The following TUSC3 variants were observed in gnomAD, a reference collection of about 807,000 sequenced individuals.
The protein encoded by TUSC3 is tumor suppressor candidate 3, also known as dolichyl-diphosphooligosaccharide--protein glycosyltransferase subunit TUSC3.
In TUSC3, 45 loss-of-function variants were observed where a neutral mutation model predicts 44.8. The ratio of observed to expected loss-of-function variants is 1.00; its 90% confidence interval spans 0.79 to 1.29. The LOEUF (loss-of-function observed/expected upper bound fraction) is 1.29, where lower values mean the gene tolerates loss of function less well. Ranked by LOEUF, TUSC3 falls within the 50% of genes most tolerant of loss-of-function variation. The pLI, the probability that TUSC3 is intolerant of heterozygous loss-of-function variation, is 0.00. For synonymous variants in TUSC3, 212 were observed against 152.9 expected, an observed-to-expected ratio of 1.39 and a Z score of -2.85; for missense variants, 519 against 437.9, an observed-to-expected ratio of 1.19 and a Z score of -1.65.
chr8:15,789,635 G>A, the TUSC3 span, among the ~76,000 whole-genome samples: 1 of 150,304 alleles, frequency 6.7e-6, no homozygotes, highest in Non-Finnish European at 1.5e-5. Flanking sequence ...TGTGTATGCA[G>A]ATATATATAT....
chr8:15,589,490 G>C lies in TUSC3; in HGVS notation c.139-33590G>C, dbSNP rs79035108. ...TTAGGAAGGAAAAGTATAGTATAAA[G>C]AGGGGTTTAACATGAGGTTAATAGT... On this transcript the variant is annotated intron_variant, in intron 1 of 10. Coordinates refer to ENST00000503731, the MANE Select transcript of TUSC3 (RefSeq NM_006765.4). Among the ~76,000 whole-genome samples, 102 of 152,224 alleles carry C rather than the reference G, an allele frequency of 6.7e-4. 1 individual carries two copies. In the South Asian group the frequency reaches 6.8e-3, roughly 10 times the overall value.
At chr8:15,639,869 A>G (rs139755510) in intron 2 of TUSC3, among the ~76,000 whole-genome samples, 9 of 142,734 alleles carry the variant, frequency 6.3e-5, no homozygotes, top group Admixed American at 2.1e-4. Flanking sequence ...CTTTCTTGTG[A>G]TAGGTTGTTG....
At chr8:15,673,476 G>A (rs1808043864) in intron 5 of TUSC3, among the ~76,000 whole-genome samples, 1 of 151,998 alleles carries the variant, frequency 6.6e-6, no homozygotes, top group Non-Finnish European at 1.5e-5. Flanking sequence ...CCTGTCACCA[G>A]GCCAGATGCT....
the TUSC3 span, among the ~76,000 whole-genome samples, chr8:15,788,627 G>T: frequency 2.0e-5 from 3 of 151,778 alleles, no homozygotes; most frequent in Non-Finnish European, 4.4e-5. Context: ...CATCCAGACT[G>T]CCTACCCCGG....
In TUSC3 at chr8:15,591,658, G is replaced by A. The variant is rs186913447; in HGVS notation, c.139-31422G>A. On this transcript the variant is annotated intron_variant, in intron 1 of 10. Transcript: ENST00000503731. ...GGAAAAGCTTTATTTTTGACTTGTGGAGTCCACATTTCAGTGCAGATCTGA... is the reference window on the plus strand; with the variant it reads ...GGAAAAGCTTTATTTTTGACTTGTGAAGTCCACATTTCAGTGCAGATCTGA... 5.3e-5 allele frequency among the ~76,000 whole-genome samples: 8 copies of A among 152,290 alleles called. No individual in the cohort carries two copies. The East Asian group carries it at 1.4e-3, about 26-fold the overall frequency.
chr8:15,566,612 G>T (rs78787062), intron 1 of TUSC3, among the ~76,000 whole-genome samples: 4,804 of 101,664 alleles, frequency 0.047, 190 homozygotes, highest in East Asian at 0.31. Flanking sequence ...TTTTTTTGTT[G>T]TTGTTGTTGT....
the TUSC3 span, among the ~76,000 whole-genome samples, chr8:15,796,009 A>G: frequency 2.6e-5 from 4 of 152,166 alleles, no homozygotes; most frequent in Admixed American, 6.5e-5. Context: ...GGCTTCCAAG[A>G]ATGTGTTTGT....
At chr8:15,446,167 C>G (rs180821516) in intron 1 of TUSC3, among the ~76,000 whole-genome samples, 1 of 148,978 alleles carries the variant, frequency 6.7e-6, no homozygotes, top group Admixed American at 6.7e-5. Context: ...ACATCCCAGA[C>G]GGGGCATCGG....
chr8:15,635,118 A>C (rs1343194910), intron 2 of TUSC3, among the ~76,000 whole-genome samples: 3 of 152,122 alleles, frequency 2.0e-5, no homozygotes, highest in Admixed American at 2.0e-4. Context: ...GAGTTTCCTC[A>C]AGGTAACTGT....
chr8:15,834,283 T>C, the TUSC3 span, among the ~76,000 whole-genome samples: 8 of 152,310 alleles, frequency 5.3e-5, no homozygotes, highest in Admixed American at 1.3e-4. Flanking sequence ...AATTTATTCC[T>C]AGGTTTTCCA....
chr8:15,610,204 C>A, intron 1 of TUSC3, among the ~76,000 whole-genome samples: 1 of 152,202 alleles, frequency 6.6e-6, no homozygotes, highest in Middle Eastern at 3.4e-3. Flanking sequence ...TCATAGCATA[C>A]TTTGAAATCC....
At chr8:15,504,494 C>A (rs1011167570) in intron 2 of TUSC3, among the ~76,000 whole-genome samples, 1 of 147,474 alleles carries the variant, frequency 6.8e-6, no homozygotes, top group Non-Finnish European at 1.5e-5. Context: ...CTACTACTGC[C>A]ATATTAGTTA....
intron 1 of TUSC3, among the ~76,000 whole-genome samples, chr8:15,449,019 C>G (rs1563253712): frequency 6.6e-6 from 1 of 152,144 alleles, no homozygotes; most frequent in Non-Finnish European, 1.5e-5. Flanking sequence ...CCTTCACATT[C>G]ATTTACCACT....
At chr8:15,440,221 A>T (rs569380793) in intron 1 of TUSC3, among the ~76,000 whole-genome samples, 1 of 152,274 alleles carries the variant, frequency 6.6e-6, no homozygotes, top group African/African-American at 2.4e-5. Flanking sequence ...CAAAGAGAGG[A>T]GTAGAGCTGA....
intron 2 of TUSC3, among the ~76,000 whole-genome samples, chr8:15,636,813 C>T (rs1207876749): frequency 6.6e-6 from 1 of 152,128 alleles, no homozygotes; most frequent in Non-Finnish European, 1.5e-5. Context: ...GTTGGGCCTC[C>T]TTTTTGGGGT....
intron 1 of TUSC3, among the ~76,000 whole-genome samples, chr8:15,583,204 C>A (rs1303077942): frequency 6.6e-6 from 1 of 152,122 alleles, no homozygotes. Context: ...AAATAGTATA[C>A]TTTAGAAATC....
chr8:15,751,868 G>T (rs1054884249), intron 9 of TUSC3, among the ~76,000 whole-genome samples: 4 of 152,152 alleles, frequency 2.6e-5, no homozygotes, highest in African/African-American at 9.7e-5. Flanking sequence ...TGGGTTTTAA[G>T]AATCAGGTGA....
the TUSC3 span, among the ~76,000 whole-genome samples, chr8:15,810,957 G>A: frequency 6.6e-6 from 1 of 152,176 alleles, no homozygotes; most frequent in African/African-American, 2.4e-5. Context: ...TGAGTAAGGA[G>A]ACATGATCGT....
At chr8:15,483,015 C>G (rs1266243152) in intron 1 of TUSC3, among the ~76,000 whole-genome samples, 1 of 151,526 alleles carries the variant, frequency 6.6e-6, no homozygotes, top group Non-Finnish European at 1.5e-5. Context: ...GATAATTTAA[C>G]AGTCACAGAC....
Sources: allele counts gnomAD v4.1 joint callset (sites outside exome capture counted in the v4.1 genomes callset), GRCh38; gene constraint gnomAD v4.1.1; transcripts MANE v1.5; gene names NCBI Gene and HGNC (gene_info 2026-07-23, HGNC 2026-07-21).